KIAA1217: variants seen among roughly 807,000 people sequenced by gnomAD.
The protein encoded by KIAA1217 is sickle tail protein homolog.
KIAA1217 carries 88 observed loss-of-function variants against 163.9 expected under a neutral mutation model. That is an observed-to-expected ratio of 0.54 (90% CI 0.45 to 0.64). The LOEUF (loss-of-function observed/expected upper bound fraction) is 0.64, where lower values mean the gene tolerates loss of function less well. KIAA1217 is among the 30% of genes least tolerant of loss of function. The pLI, the probability that KIAA1217 is intolerant of heterozygous loss-of-function variation, is 0.00. For missense variants in KIAA1217, 2,372 were observed against 2,475.0 expected, an observed-to-expected ratio of 0.96 and a Z score of 0.88; for synonymous variants, 903 against 923.1, an observed-to-expected ratio of 0.98 and a Z score of 0.39.
intron 1 of KIAA1217, among the ~76,000 whole-genome samples, chr10:23,994,480 C>T (rs1052387627): frequency 6.6e-6 from 1 of 152,146 alleles, no homozygotes; most frequent in Non-Finnish European, 1.5e-5. Context: ...AAGCAGTTGC[C>T]CTTTCTTTCT....
intron 2 of KIAA1217, among the ~76,000 whole-genome samples, chr10:24,054,093 A>G (rs972211897): frequency 2.0e-5 from 3 of 152,206 alleles, no homozygotes; most frequent in African/African-American, 7.2e-5. Context: ...AGGCCATGAG[A>G]GATGAAGGCT....
intron 2 of KIAA1217, among the ~76,000 whole-genome samples, chr10:24,190,411 G>C (rs2066661822): frequency 6.6e-6 from 1 of 152,134 alleles, no homozygotes; most frequent in Non-Finnish European, 1.5e-5. Context: ...TACTTCGAAA[G>C]CCTGAACTTC....
chr10:24,148,599 TCTC>T (rs2064452034), intron 2 of KIAA1217, among the ~76,000 whole-genome samples: 1 of 152,102 alleles, frequency 6.6e-6, no homozygotes, highest in African/African-American at 2.4e-5. Flanking sequence ...GCCTCCTCAC[TCTC>T]TTCTTGCTCC....
At chr10:23,985,535 T>C (rs183831140) in intron 1 of KIAA1217, among the ~76,000 whole-genome samples, 18 of 152,272 alleles carry the variant, frequency 1.2e-4, no homozygotes, top group Admixed American at 7.8e-4. Flanking sequence ...TTTTTTCCAT[T>C]CTCCTATAAT....
At chr10:23,758,880 T>A (rs1834087128) in intron 1 of KIAA1217, among the ~76,000 whole-genome samples, 1 of 151,606 alleles carries the variant, frequency 6.6e-6, no homozygotes, top group Admixed American at 6.6e-5. Context: ...AGAGATGGGG[T>A]TTCACCATAT....
chr10:23,935,052 C>T (rs1843465509), intron 1 of KIAA1217, among the ~76,000 whole-genome samples: 1 of 152,284 alleles, frequency 6.6e-6, no homozygotes, highest in Admixed American at 6.5e-5. Flanking sequence ...ACAAGCTGTT[C>T]ATATTACCTC....
intron 2 of KIAA1217, among the ~76,000 whole-genome samples, chr10:24,193,668 C>T (rs752777582): frequency 2.1e-4 from 32 of 152,132 alleles, no homozygotes; most frequent in Non-Finnish European, 2.8e-4. Context: ...TGCAGAACTG[C>T]GCTAATCCAG....
intron 1 of KIAA1217, among the ~76,000 whole-genome samples, chr10:23,803,064 T>A (rs1836548864): frequency 6.6e-6 from 1 of 152,158 alleles, no homozygotes; most frequent in South Asian, 2.1e-4. Flanking sequence ...GTGCAAACTC[T>A]CTATTTCCGT....
Position 24,490,631 on chromosome 10 carries a change from T to C in KIAA1217, c.1680-3869T>C, listed in dbSNP as rs1335859820. On this transcript the variant is annotated intron_variant, in intron 6 of 20. Coordinates refer to ENST00000376454, the MANE Select transcript of KIAA1217 (RefSeq NM_019590.5). ...TGACGATTAAATAGGAGGGAAAATG[T>C]TTTCTCATTACCATATGTCAAAAGA... Among the ~76,000 whole-genome samples the C allele has an allele frequency of 2.6e-5, 4 of 152,228 alleles. No individual in the cohort carries two copies. In the East Asian group the frequency reaches 7.7e-4, roughly 29 times the overall value.
chr10:23,882,786 C>T (rs1267119407), intron 1 of KIAA1217, among the ~76,000 whole-genome samples: 1 of 151,898 alleles, frequency 6.6e-6, no homozygotes, highest in Non-Finnish European at 1.5e-5. Context: ...TTTATAAACC[C>T]TGCTCTTTGT....
chr10:24,066,612 T>G (rs180765265), intron 2 of KIAA1217, among the ~76,000 whole-genome samples: 2 of 152,306 alleles, frequency 1.3e-5, no homozygotes, highest in East Asian at 1.9e-4. Flanking sequence ...AATCTGACAA[T>G]TATGTGTCTT....
At chr10:24,143,648 T>C (rs998204147) in intron 2 of KIAA1217, among the ~76,000 whole-genome samples, 1 of 152,110 alleles carries the variant, frequency 6.6e-6, no homozygotes, top group African/African-American at 2.4e-5. Flanking sequence ...TGTGCTGCTA[T>C]ACTTATTATC....
intron 2 of KIAA1217, among the ~76,000 whole-genome samples, chr10:24,308,066 A>G (rs1020384741): frequency 7.9e-5 from 12 of 152,244 alleles, no homozygotes; most frequent in African/African-American, 2.9e-4. Flanking sequence ...ATTGAGTGCA[A>G]TAAACCAATT....
At chr10:24,392,346 T>A (rs566794750) in intron 3 of KIAA1217, among the ~76,000 whole-genome samples, 3 of 152,236 alleles carry the variant, frequency 2.0e-5, no homozygotes, top group African/African-American at 7.2e-5. Flanking sequence ...AGTTGTTTTA[T>A]GAAATGTTTT....
At position 24,473,247 on chromosome 10, in the gene KIAA1217, A is replaced by G. The variant is rs753710757; in HGVS notation, c.866A>G (p.Tyr289Cys). 6.6e-7 allele frequency: 1 copy of G among 1,516,180 alleles called. No homozygotes were observed. The highest frequency in any genetic ancestry group is 8.8e-7 in the Non-Finnish European group (1 of 1,133,352). 93.9% of individuals were successfully genotyped at this position (1,516,180 alleles called of 1,614,324 possible). ...GDMRMQRELV[Y>C]ARGDGPGAPR... ...TTTCAGATGCAGAGAGAACTTGTTTATGCAAGAGGAGATGGCCCTGGGGCC... is the reference window on the plus strand; with the variant it reads ...TTTCAGATGCAGAGAGAACTTGTTTGTGCAAGAGGAGATGGCCCTGGGGCC... The change falls in exon 6 of 21, where the codon TAT becomes TGT. Residue 289 changes from tyrosine to cysteine, a missense_variant. Transcript: ENST00000376454.
Position 24,546,299 on chromosome 10 carries a change from C to A in KIAA1217, c.5807C>A (p.Pro1936Gln). Residue 1936 changes from proline to glutamine, a missense_variant, in exon 21 of 21, where the codon CCA becomes CAA. Transcript: ENST00000376454. ...AQNGSSSKAT[P>Q]STAKETS ...AATGGAAGTTCAAGCAAAGCCACCC[C>A]ATCCACAGCAAAAGAAACCTCTTAA... 1 of 1,604,412 alleles carries A rather than the reference C, an allele frequency of 6.2e-7. No homozygotes were observed. The highest frequency in any genetic ancestry group is 8.5e-7 in the Non-Finnish European group (1 of 1,175,312).
chr10:23,925,271 T>C lies in KIAA1217; in HGVS notation c.-320-81954T>C, dbSNP rs538962167. On this transcript the variant is annotated intron_variant, in intron 1 of 18. Coordinates refer to the KIAA1217 transcript ENST00000376462. ...AATTTCTTGCTTTCCTTCTTCTCTTTCAGCATACATAGGCATGCCCCTGAT... is the reference window on the plus strand; with the variant it reads ...AATTTCTTGCTTTCCTTCTTCTCTTCCAGCATACATAGGCATGCCCCTGAT... 1.4e-3 allele frequency among the ~76,000 whole-genome samples: 220 copies of C among 152,320 alleles called. 3 individuals carry two copies. The highest frequency in any genetic ancestry group is 4.9e-3 in the African/African-American group (203 of 41,574).
At chr10:24,424,920 T>C (rs994032787) in intron 3 of KIAA1217, among the ~76,000 whole-genome samples, 5 of 152,178 alleles carry the variant, frequency 3.3e-5, no homozygotes, top group Non-Finnish European at 7.3e-5. Context: ...TTTTAAATCA[T>C]AAGACTCTTG....
At chr10:24,000,851 G>T (rs556304987) in intron 1 of KIAA1217, among the ~76,000 whole-genome samples, 1 of 152,246 alleles carries the variant, frequency 6.6e-6, no homozygotes, top group Non-Finnish European at 1.5e-5. Flanking sequence ...GGCCTCCTGT[G>T]TGTTCAAATG....
Sources: allele counts gnomAD v4.1 joint callset (sites outside exome capture counted in the v4.1 genomes callset), GRCh38; gene constraint gnomAD v4.1.1; transcripts MANE v1.5; gene names NCBI Gene and HGNC (gene_info 2026-07-23, HGNC 2026-07-21).